Variants in NELL2 observed in about 807,000 individuals in gnomAD.
The protein encoded by NELL2 is protein kinase C-binding protein NELL2.
In NELL2, 41 loss-of-function variants were observed where a neutral mutation model predicts 109.6. That is an observed-to-expected ratio of 0.37 (90% CI 0.29 to 0.49). The LOEUF is 0.49. NELL2 is among the 20% of genes least tolerant of loss of function. NELL2 has a pLI of 0.98. For missense variants in NELL2, 900 were observed against 1,008.3 expected, an observed-to-expected ratio of 0.89 and a Z score of 1.45; for synonymous variants, 355 against 344.7, an observed-to-expected ratio of 1.03 and a Z score of -0.33.
intron 13 of NELL2, among the ~76,000 whole-genome samples, chr12:44,635,497 C>T (rs1266343082): frequency 6.6e-6 from 1 of 152,122 alleles, no homozygotes; most frequent in Non-Finnish European, 1.5e-5. Flanking sequence ...CAGTTTTCTG[C>T]ACATGGCTAG....
chr12:44,711,358 G>A lies in NELL2; in HGVS notation c.1123C>T (p.Pro375Ser). 4.3e-6 allele frequency: 7 copies of A among 1,612,542 alleles called. No individual in the cohort carries two copies. Among genetic ancestry groups the A allele is most frequent in the Non-Finnish European group, 5.9e-6 (7 of 1,178,918 alleles). Reference sequence around the variant, plus strand: ...TGAGACTCTGGACAATCCAAAGCTGGACAGCCTGAACTCTCAACAAGTTTC... The same window carrying A: ...TGAGACTCTGGACAATCCAAAGCTGAACAGCCTGAACTCTCAACAAGTTTC... The part of the protein sequence containing the change: ...TMKLVESSGC[P>S]ALDCPESHQI... Residue 375 changes from proline to serine, a missense_variant, in exon 11 of 20, where the codon CCA becomes TCA. Physicochemically the swap from Pro to Ser is moderately conservative, Grantham distance 74. Transcript: ENST00000429094.
chr12:44,783,837 C>T (rs188167964), intron 3 of NELL2, among the ~76,000 whole-genome samples: 15 of 151,800 alleles, frequency 9.9e-5, no homozygotes, highest in African/African-American at 3.6e-4. Context: ...TTTATATTGC[C>T]CTGACACCAA....
chr12:44,809,499 C>G (rs1285921372), intron 3 of NELL2, among the ~76,000 whole-genome samples: 1 of 151,982 alleles, frequency 6.6e-6, no homozygotes. Flanking sequence ...TTAGGTTATG[C>G]TGCTGATGGT....
At chr12:44,876,462 A>G, upstream of NELL2, 2 of 1,298,366 alleles carry the variant, frequency 1.5e-6, no homozygotes, top group Non-Finnish European at 2.0e-6. Context: ...CCTGGATGCC[A>G]AACCCGGTCT....
At chr12:44,788,779 G>C (rs1333324550) in intron 3 of NELL2, among the ~76,000 whole-genome samples, 1 of 152,130 alleles carries the variant, frequency 6.6e-6, no homozygotes, top group Non-Finnish European at 1.5e-5. Flanking sequence ...CTTAAGTCTA[G>C]CTCACCCACC....
chr12:44,582,050 C>A (rs1049124240), intron 15 of NELL2, among the ~76,000 whole-genome samples: 1 of 152,150 alleles, frequency 6.6e-6, no homozygotes, highest in African/African-American at 2.4e-5. Flanking sequence ...AGGCTAATTA[C>A]TTCCTTTCAT....
intron 16 of NELL2, among the ~76,000 whole-genome samples, chr12:44,529,030 G>A (rs1362403835): frequency 6.6e-6 from 1 of 152,162 alleles, no homozygotes; most frequent in Non-Finnish European, 1.5e-5. Context: ...GAGGCTCCAC[G>A]AGTGTGAACA....
chr12:44,588,260 ATCT>A (rs1277506879), intron 15 of NELL2, among the ~76,000 whole-genome samples: 1 of 152,164 alleles, frequency 6.6e-6, no homozygotes, highest in Non-Finnish European at 1.5e-5. Flanking sequence ...ATCTGGACAC[ATCT>A]TGCAGTGACT....
In NELL2 at chr12:44,517,720, C is replaced by CAATA. The variant is rs1941340505; in HGVS notation, c.2400+2284_2400+2285insTATT. Among the ~76,000 whole-genome samples, 4 of 152,082 alleles carry CAATA rather than the reference C, an allele frequency of 2.6e-5. No individual in the cohort carries two copies. In the South Asian group the frequency reaches 8.3e-4, roughly 32 times the overall value. ...TTAAATAGCCACATGTGGCTACTGA[C>CAATA]TAGCATATTGAACAACAGAGTGCCA... On this transcript the variant is annotated intron_variant, in intron 19 of 19. Transcript: ENST00000429094.
chr12:44,885,183 G>A (rs966043265), intron 1 of NELL2, among the ~76,000 whole-genome samples: 2 of 151,918 alleles, frequency 1.3e-5, no homozygotes, highest in Admixed American at 1.3e-4. Flanking sequence ...GGAAGCTGAG[G>A]CAGAAGAATT....
chr12:44,803,917 C>T (rs987369384), intron 3 of NELL2, among the ~76,000 whole-genome samples: 2 of 151,946 alleles, frequency 1.3e-5, no homozygotes, highest in East Asian at 1.9e-4. Flanking sequence ...ATATAATGCT[C>T]AATTCTTGAA....
intron 13 of NELL2, among the ~76,000 whole-genome samples, chr12:44,632,561 G>T (rs1274070894): frequency 6.6e-6 from 1 of 151,806 alleles, no homozygotes; most frequent in Non-Finnish European, 1.5e-5. Flanking sequence ...CATAAATAAA[G>T]CATCTGGAAC....
chr12:44,841,230 A>T (rs1944217268), intron 2 of NELL2, among the ~76,000 whole-genome samples: 1 of 152,202 alleles, frequency 6.6e-6, no homozygotes, highest in South Asian at 2.1e-4. Context: ...ATCAGAAGCA[A>T]TTGAGCTTCT....
intron 1 of NELL2, among the ~76,000 whole-genome samples, chr12:44,907,256 G>A (rs1945730113): frequency 6.6e-6 from 1 of 151,964 alleles, no homozygotes; most frequent in Non-Finnish European, 1.5e-5. Context: ...GGATTAATAC[G>A]AGCTATAAGA....
chr12:44,558,539 G>C (rs1351097026), intron 15 of NELL2, among the ~76,000 whole-genome samples: 6 of 152,190 alleles, frequency 3.9e-5, no homozygotes, highest in Non-Finnish European at 1.5e-5. Context: ...TCGGCGGGAG[G>C]GGGTGCGTCA....
chr12:44,728,143 C>T (rs1939178170), intron 9 of NELL2, among the ~76,000 whole-genome samples: 1 of 151,982 alleles, frequency 6.6e-6, no homozygotes, highest in Non-Finnish European at 1.5e-5. Flanking sequence ...GAAACAGAGG[C>T]ATGTGATTAC....
chr12:44,666,546 C>T (rs1049421689), intron 12 of NELL2, among the ~76,000 whole-genome samples: 3 of 152,192 alleles, frequency 2.0e-5, no homozygotes, highest in African/African-American at 2.4e-5. Flanking sequence ...TGATACACCA[C>T]TACAGGGGCC....
At chr12:44,736,914 AATTT>A (rs1394078785) in intron 9 of NELL2, among the ~76,000 whole-genome samples, 14 of 152,136 alleles carry the variant, frequency 9.2e-5, no homozygotes, top group Admixed American at 7.8e-4. Context: ...AAAATTTCCT[AATTT>A]ATTTTATAAA....
chr12:44,804,815 G>T (rs1942947016), intron 3 of NELL2, among the ~76,000 whole-genome samples: 1 of 151,736 alleles, frequency 6.6e-6, no homozygotes, highest in Non-Finnish European at 1.5e-5. Context: ...AGAATTAAAT[G>T]AACTTTCATG....
Sources: gnomAD v4.1 joint callset for allele counts (sites outside exome capture counted in the v4.1 genomes callset) on GRCh38, gnomAD v4.1.1 for gene constraint, MANE v1.5 for transcripts, NCBI Gene and HGNC (gene_info 2026-07-23, HGNC 2026-07-21) for gene names.